The following LOXHD1 variants were observed in gnomAD, a reference collection of about 807,000 sequenced individuals.
LOXHD1 encodes lipoxygenase homology domain-containing protein 1.
Under a neutral mutation model 248.2 loss-of-function variants are expected in LOXHD1, and 205 were observed. The ratio of observed to expected loss-of-function variants is 0.83; its 90% CI spans 0.74 to 0.93. The LOEUF (loss-of-function observed/expected upper bound fraction) is 0.93, where lower values mean the gene tolerates loss of function less well. Ranked by LOEUF, LOXHD1 falls within the 40% of genes least tolerant of loss-of-function variation. The probability of loss-of-function intolerance (pLI) is 0.00; values close to 1 mark genes in which losing one functional copy is unlikely to be tolerated. For missense variants in LOXHD1, 2,930 were observed against 2,971.6 expected (o/e 0.99, Z 0.33); for synonymous variants, 1,113 against 1,162.8 (o/e 0.96, Z 0.87).
intron 34 of LOXHD1, among the ~76,000 whole-genome samples, chr18:46,511,258 TC>T (rs1221176037): frequency 2.6e-5 from 4 of 152,194 alleles, no homozygotes; most frequent in Non-Finnish European, 5.9e-5. Context: ...TATTTGTCCT[TC>T]AGTCTTCCCA....
Position 46,657,016 on chromosome 18 carries a change from T to C in LOXHD1, c.18A>G (p.Lys6=), listed in dbSNP as rs1482204951. 1.3e-6 allele frequency: 2 copies of C among 1,551,502 alleles called. No individual in the cohort carries two copies. Among genetic ancestry groups the C allele is most frequent in the Non-Finnish European group, 1.7e-6 (2 of 1,146,942 alleles). MMPQK[K]RRRKKDIDFL... is the part of the protein sequence containing the mutation. ...AGTCGATGTCCTTCTTCCTCCGCCT[T>C]TTCTTCTGGGGCATCATTCTGTCGG... The change falls in exon 1 of 41, where the codon AAA becomes AAG. Residue 6 remains lysine (K), a synonymous_variant. Coordinates refer to ENST00000642948, the MANE Select transcript of LOXHD1 (RefSeq NM_001384474.1).
intron 4 of LOXHD1, among the ~76,000 whole-genome samples, chr18:46,621,993 G>A (rs1020760111): frequency 3.9e-5 from 6 of 152,182 alleles, no homozygotes; most frequent in East Asian, 1.9e-4. Flanking sequence ...TGCTGTTGAC[G>A]TTCTCATTTA....
intron 2 of LOXHD1, among the ~76,000 whole-genome samples, chr18:46,645,698 C>T (rs1203784481): frequency 4.6e-5 from 7 of 151,862 alleles, no homozygotes; most frequent in Admixed American, 3.3e-4. Context: ...AATGTAGGCA[C>T]CAGACCACAA....
At chr18:46,615,202 C>T (rs2038568381) in intron 5 of LOXHD1, among the ~76,000 whole-genome samples, 1 of 152,180 alleles carries the variant, frequency 6.6e-6, no homozygotes, top group South Asian at 2.1e-4. Flanking sequence ...TCTCCCATGT[C>T]ATATTGCTAT....
intron 4 of LOXHD1, among the ~76,000 whole-genome samples, chr18:46,628,522 G>A (rs1194719177): frequency 2.0e-5 from 3 of 152,228 alleles, no homozygotes; most frequent in Non-Finnish European, 2.9e-5. Context: ...GGGAAAAGAG[G>A]CTTTCCCTGC....
intron 4 of LOXHD1, among the ~76,000 whole-genome samples, chr18:46,625,033 G>C (rs1396020640): frequency 6.6e-6 from 1 of 152,016 alleles, no homozygotes; most frequent in Non-Finnish European, 1.5e-5. Flanking sequence ...ACCATTTTTA[G>C]TAATGAGGCA....
At chr18:46,528,105 T>A (rs2035904804) in intron 29 of LOXHD1, among the ~76,000 whole-genome samples, 1 of 152,208 alleles carries the variant, frequency 6.6e-6, no homozygotes, top group African/African-American at 2.4e-5. Context: ...TTAAGGGATA[T>A]GCCTGGCTGA....
At chr18:46,528,283 T>C (rs1481544171) in intron 29 of LOXHD1, among the ~76,000 whole-genome samples, 1 of 148,334 alleles carries the variant, frequency 6.7e-6, no homozygotes, top group Non-Finnish European at 1.5e-5. Context: ...CAGATTTCAG[T>C]GCATGGAGAG....
At chr18:46,587,738 T>G (rs1202506311) in intron 12 of LOXHD1, among the ~76,000 whole-genome samples, 1 of 152,166 alleles carries the variant, frequency 6.6e-6, no homozygotes. Context: ...CACTCATCAG[T>G]GGTGTGTAAT....
intron 8 of LOXHD1, among the ~76,000 whole-genome samples, chr18:46,595,397 C>T (rs535100264): frequency 6.6e-6 from 1 of 152,302 alleles, no homozygotes; most frequent in East Asian, 1.9e-4. Context: ...CTCAGGACCA[C>T]AGGCAGTAGC....
chr18:46,556,082 GTGTCCA>G lies in LOXHD1; in HGVS notation c.3350+1268_3350+1273del, dbSNP rs1598993564. On this transcript the variant is annotated intron_variant, in intron 21 of 40. Transcript: ENST00000642948. ...AAAATTATATGAATTTCAAATTTCA[GTGTCCA>G]ACACTGAAATTTGAAATTCATATAA... Among the ~76,000 whole-genome samples the G allele has an allele frequency of 3.3e-5, 5 of 149,840 alleles. No homozygotes were observed. The East Asian group carries it at 1.0e-3, about 30-fold the overall frequency.
intron 37 of LOXHD1, among the ~76,000 whole-genome samples, chr18:46,500,428 C>A (rs2034153645): frequency 6.6e-6 from 1 of 152,178 alleles, no homozygotes; most frequent in South Asian, 2.1e-4. Context: ...TCAGGCAAAC[C>A]TTTAACAAGT....
intron 4 of LOXHD1, among the ~76,000 whole-genome samples, chr18:46,634,140 G>A (rs1212452641): frequency 6.6e-6 from 1 of 152,194 alleles, no homozygotes; most frequent in Non-Finnish European, 1.5e-5. Context: ...CATGTTCATA[G>A]CAGCATTAAT....
chr18:46,603,972 G>C, intron 7 of LOXHD1, 134 bp downstream of exon 7: 2 of 1,218,466 alleles, frequency 1.6e-6, no homozygotes, highest in South Asian at 1.5e-5. Context: ...ACAGTTTCAG[G>C]AGCAGGAGGA....
At chr18:46,489,222 T>G in intron 37 of LOXHD1, 80 bp from the exon 38 acceptor site, 2 of 1,441,076 alleles carry the variant, frequency 1.4e-6, no homozygotes, top group South Asian at 2.5e-5. Flanking sequence ...CCACAACCCA[T>G]TGGCTGTGTG....
At chr18:46,631,451 A>G (rs2038821357) in intron 4 of LOXHD1, among the ~76,000 whole-genome samples, 1 of 152,150 alleles carries the variant, frequency 6.6e-6, no homozygotes, top group African/African-American at 2.4e-5. Context: ...GAATCACTGC[A>G]CAGCAGTGTG....
At chr18:46,584,688 G>C (rs1399867934) in intron 12 of LOXHD1, among the ~76,000 whole-genome samples, 1 of 151,958 alleles carries the variant, frequency 6.6e-6, no homozygotes, top group Non-Finnish European at 1.5e-5. Context: ...TCCAAAAATA[G>C]AAGAGGAGGG....
At chr18:46,632,390 C>G (rs1268881412) in intron 4 of LOXHD1, among the ~76,000 whole-genome samples, 1 of 152,122 alleles carries the variant, frequency 6.6e-6, no homozygotes, top group African/African-American at 2.4e-5. Context: ...TGTCCTTATC[C>G]ACAGGCTCAG....
intron 23 of LOXHD1, 102 bp downstream of exon 23, chr18:46,545,215 G>A (rs2036747620): frequency 1.2e-6 from 1 of 844,686 alleles, no homozygotes; most frequent in African/African-American, 1.7e-5. Flanking sequence ...CCTATTGAGA[G>A]ACAAAAGCAT....
Sources: gnomAD v4.1 joint callset for allele counts (sites outside exome capture counted in the v4.1 genomes callset) on GRCh38, gnomAD v4.1.1 for gene constraint, MANE v1.5 for transcripts, NCBI Gene and HGNC (gene_info 2026-07-23, HGNC 2026-07-21) for gene names.